KANK1: variants seen among roughly 807,000 people sequenced by gnomAD.
KANK1 encodes the protein KN motif and ankyrin repeat domains 1, also known as KN motif and ankyrin repeat domain-containing protein 1.
Under a neutral mutation model 106.2 loss-of-function variants are expected in KANK1, and 109 were observed. The ratio of observed to expected loss-of-function variants is 1.03; its 90% CI spans 0.88 to 1.20. The LOEUF (loss-of-function observed/expected upper bound fraction) is 1.20, where lower values mean the gene tolerates loss of function less well. Among genes scored for constraint, KANK1 ranks in the 50% most tolerant of loss-of-function variants. KANK1 has a pLI of 0.00. For missense variants in KANK1, 2,399 were observed against 1,710.7 expected (o/e 1.40, Z -7.10); for synonymous variants, 873 against 652.2 (o/e 1.34, Z -5.16).
chr9:473,697 C>A (rs2058057524), intron 3 of KANK1, among the ~76,000 whole-genome samples: 1 of 151,682 alleles, frequency 6.6e-6, no homozygotes, highest in South Asian at 2.1e-4. Context: ...CCAGAAAGAA[C>A]AAGAATTTTT....
intron 1 of KANK1, among the ~76,000 whole-genome samples, chr9:622,803 G>A (rs929299019): frequency 2.6e-5 from 4 of 152,102 alleles, no homozygotes; most frequent in African/African-American, 9.7e-5. Flanking sequence ...TCGGGAGGCT[G>A]AGGCAGGAGA....
chr9:726,018 C>T (rs189854005), intron 3 of KANK1, among the ~76,000 whole-genome samples: 3 of 152,304 alleles, frequency 2.0e-5, no homozygotes, highest in Admixed American at 2.0e-4. Flanking sequence ...TTAGCCTTAG[C>T]AAAGCAGTGT....
chr9:714,939 G>A (rs1827283940), intron 3 of KANK1, among the ~76,000 whole-genome samples: 2 of 152,128 alleles, frequency 1.3e-5, no homozygotes, highest in African/African-American at 4.8e-5. Flanking sequence ...GGGAAAGAGT[G>A]TGCATTAGAT....
At chr9:580,823 C>T (rs377027255) in intron 1 of KANK1, among the ~76,000 whole-genome samples, 11 of 152,136 alleles carry the variant, frequency 7.2e-5, no homozygotes, top group African/African-American at 1.4e-4. Flanking sequence ...GAGCAGGGGG[C>T]GGTGCTCGTT....
intron 1 of KANK1, among the ~76,000 whole-genome samples, chr9:636,506 C>T (rs1369383720): frequency 6.6e-6 from 1 of 152,168 alleles, no homozygotes; most frequent in Non-Finnish European, 1.5e-5. Flanking sequence ...TCAGTCAGTT[C>T]CCATCAACAG....
chr9:473,451 A>AC (rs578095483), intron 3 of KANK1, among the ~76,000 whole-genome samples: 145 of 152,264 alleles, frequency 9.5e-4, no homozygotes, highest in African/African-American at 3.2e-3. Flanking sequence ...CAGGTGAAAG[A>AC]CCCCTAATGG....
chr9:693,710 C>T (rs1405766675), intron 2 of KANK1: 1 of 985,204 alleles, frequency 1.0e-6, no homozygotes, highest in East Asian at 1.1e-4. Context: ...TGTGGAGTCC[C>T]TTTAATGCTG....
intron 1 of KANK1, among the ~76,000 whole-genome samples, chr9:570,196 G>T (rs1207628996): frequency 6.6e-6 from 1 of 152,200 alleles, no homozygotes; most frequent in Non-Finnish European, 1.5e-5. Context: ...GTATGATTGT[G>T]TGTGTACATT....
In KANK1 at chr9:504,768, CG is replaced by C. The variant is rs1336766060; in HGVS notation, c.-84+18del. 3.3e-5 allele frequency: 5 copies of C among 150,058 alleles called. No homozygotes were observed. Among genetic ancestry groups the C allele is most frequent in the African/African-American group, 1.2e-4 (5 of 40,924 alleles). 9.3% of individuals were successfully genotyped at this position (150,058 alleles called of 1,614,324 possible). A position where few individuals can be genotyped will look rare whatever the true frequency, so the allele number is the denominator to read the frequency against. On this transcript the variant is annotated intron_variant, in intron 1 of 11. Transcript: ENST00000382297. ...GAGCGGCCGAAGGTGAGTGACGCGG[CG>C]GGGCCGTGCCGCGCCCCGTGCCGCG...
chr9:668,416 A>G (rs911307766), intron 1 of KANK1, among the ~76,000 whole-genome samples: 6 of 152,182 alleles, frequency 3.9e-5, no homozygotes, highest in South Asian at 2.1e-4. Flanking sequence ...CAGTCCATCA[A>G]ATGTATTAAT....
intron 1 of KANK1, among the ~76,000 whole-genome samples, chr9:640,817 C>T (rs540365964): frequency 6.6e-6 from 1 of 152,008 alleles, no homozygotes; most frequent in Admixed American, 6.5e-5. Flanking sequence ...CTGCCTTGGC[C>T]TCCCGAGTAG....
At chr9:538,030 A>G (rs116443251) in intron 1 of KANK1, among the ~76,000 whole-genome samples, 299 of 151,770 alleles carry the variant, frequency 2.0e-3, no homozygotes, top group African/African-American at 7.0e-3. Context: ...TTGTTAAGCT[A>G]TTCATCCTTT....
rs569625746 is a variant in KANK1 at position 715,967 on chromosome 9, G to T, written c.2698+2503G>T. ...GGCCCAGGGTGCACTGTGCATTCCT[G>T]TGCACACCATACCATAGAGAATAGC... On this transcript the variant is annotated intron_variant, in intron 3 of 11. Transcript: ENST00000382297. 2.6e-5 allele frequency among the ~76,000 whole-genome samples: 4 copies of T among 152,286 alleles called. No homozygotes were observed. The South Asian group carries it at 8.3e-4, about 32-fold the overall frequency.
At position 712,431 on chromosome 9, in the gene KANK1, T is replaced by G. The variant is rs920088735; in HGVS notation, c.1665T>G (p.Cys555Trp). The change falls in exon 3 of 12, where the codon TGT becomes TGG. Residue 555 changes from cysteine (C) to tryptophan (W), a missense_variant. Physicochemically the swap from Cys to Trp is radical, Grantham distance 215. Transcript: ENST00000382297. ...NSVGISCQPE[C>W]KNKVVGPELP... Reference sequence around the variant, plus strand: ...TAGGCATCTCCTGCCAGCCTGAATGTAAGAATAAAGTCGTAGGGCCTGAGC... The same window carrying G: ...TAGGCATCTCCTGCCAGCCTGAATGGAAGAATAAAGTCGTAGGGCCTGAGC... 6 of 1,613,942 alleles carry G rather than the reference T, an allele frequency of 3.7e-6. No homozygotes were observed. The highest frequency in any genetic ancestry group is 1.7e-5 in the Admixed American group (1 of 59,978).
intron 1 of KANK1, among the ~76,000 whole-genome samples, chr9:597,477 C>T (rs1014331777): frequency 6.6e-6 from 1 of 151,602 alleles, no homozygotes; most frequent in Admixed American, 6.6e-5. Context: ...ATTTATCTTT[C>T]CATGTACACA....
At chr9:697,325 C>T (rs1426403348) in intron 2 of KANK1, among the ~76,000 whole-genome samples, 1 of 152,154 alleles carries the variant, frequency 6.6e-6, no homozygotes, top group Non-Finnish European at 1.5e-5. Flanking sequence ...CAACTTTGAT[C>T]ACCTGGTCGA....
upstream of KANK1, among the ~76,000 whole-genome samples, chr9:502,825 C>T (rs775948525): frequency 3.3e-5 from 5 of 151,852 alleles, no homozygotes; most frequent in Non-Finnish European, 7.4e-5. Context: ...TGCACCCGGT[C>T]GAGGGCACTA....
At chr9:493,822 C>T (rs556476199) in intron 3 of KANK1, among the ~76,000 whole-genome samples, 10 of 151,930 alleles carry the variant, frequency 6.6e-5, no homozygotes, top group Admixed American at 6.6e-5. Context: ...GCTGGGATTA[C>T]AGGCATGAGC....
At position 732,418 on chromosome 9, in the gene KANK1, A is replaced by G; in HGVS notation, c.3046A>G (p.Ser1016Gly). ...AAGTGATGATTCCAGCTCAGATGAA[A>G]GCTCTTCTTCCGAGTCAGATGACGA... ...TSSDDSSSDE[S>G]SSSESDDECD... Residue 1016 changes from serine (S) to glycine (G), a missense_variant, in exon 6 of 12, where the codon AGC becomes GGC. By Grantham distance (56) the Ser-to-Gly change is moderately conservative (BLOSUM62 0). Transcript: ENST00000382297. 6.2e-7 allele frequency: 1 copy of G among 1,614,122 alleles called. No individual in the cohort carries two copies.
Sources: gnomAD v4.1 joint callset for allele counts (sites outside exome capture counted in the v4.1 genomes callset) on GRCh38, gnomAD v4.1.1 for gene constraint, MANE v1.5 for transcripts, NCBI Gene and HGNC (gene_info 2026-07-23, HGNC 2026-07-21) for gene names.